The following N4BP2 variants were observed in gnomAD, a reference collection of about 807,000 sequenced individuals.
N4BP2 encodes the protein NEDD4 binding protein 2.
N4BP2 carries 91 observed loss-of-function variants against 152.8 expected under a neutral mutation model. That is an observed-to-expected ratio of 0.60 (90% confidence interval 0.50 to 0.71). N4BP2 has a LOEUF of 0.71. Ranked by LOEUF, N4BP2 falls within the 30% of genes least tolerant of loss-of-function variation. The pLI is 0.00. For synonymous variants in N4BP2, 646 were observed against 705.3 expected, an observed-to-expected ratio of 0.92 and a Z score of 1.33; for missense variants, 1,923 against 2,059.1, an observed-to-expected ratio of 0.93 and a Z score of 1.28.
At chr4:40,118,155 A>G in intron 8 of N4BP2, 131 bp downstream of exon 8, 1 of 709,384 alleles carries the variant, frequency 1.4e-6, no homozygotes, top group Non-Finnish European at 2.1e-6. Context: ...GTGGTGGCTC[A>G]CACCTGTAAT....
intron 1 of N4BP2, among the ~76,000 whole-genome samples, chr4:40,059,389 T>G (rs77636217): frequency 0.021 from 3,163 of 151,764 alleles, 136 homozygotes; most frequent in African/African-American, 0.072. Context: ...ATTTTTTATG[T>G]ATGTATGTAT....
chr4:40,141,759 CG>C (rs1333094180), intron 14 of N4BP2, among the ~76,000 whole-genome samples: 2 of 152,176 alleles, frequency 1.3e-5, no homozygotes, highest in Non-Finnish European at 2.9e-5. Flanking sequence ...GAGGTTGTAG[CG>C]AGCCGAGATC....
intron 16 of N4BP2, among the ~76,000 whole-genome samples, chr4:40,146,760 C>T (rs1397833072): frequency 6.6e-6 from 1 of 151,942 alleles, no homozygotes; most frequent in East Asian, 1.9e-4. Context: ...CACATTAGCT[C>T]AGCAGAATGT....
intron 16 of N4BP2, 75 bp from the exon 17 acceptor site, chr4:40,152,705 G>A (rs1721251012): frequency 1.3e-6 from 2 of 1,523,356 alleles, no homozygotes; most frequent in African/African-American, 2.8e-5. Flanking sequence ...ATGTGCTTGA[G>A]TAGCTAAGGT....
rs182916125 is a variant in N4BP2 at position 40,074,967 on chromosome 4, A to T, written c.-115+1416A>T. Reference sequence around the variant, plus strand: ...GGCTGCAGTGAGCTGAGCTCTTGCCACTGCACTCCAGCCTGGGCGACAGAG... The same window carrying T: ...GGCTGCAGTGAGCTGAGCTCTTGCCTCTGCACTCCAGCCTGGGCGACAGAG... On this transcript the variant is annotated intron_variant, in intron 2 of 17. Coordinates refer to ENST00000261435, the MANE Select transcript of N4BP2 (RefSeq NM_018177.6). 1.4e-3 allele frequency among the ~76,000 whole-genome samples: 216 copies of T among 152,188 alleles called. 1 individual carries two copies. Among genetic ancestry groups the T allele is most frequent in the African/African-American group, 4.8e-3 (200 of 41,536 alleles).
chr4:40,120,802 A>G lies in N4BP2; in HGVS notation c.2691A>G (p.Arg897=), dbSNP rs908940376. 3.7e-6 allele frequency: 6 copies of G among 1,614,082 alleles called. No homozygotes were observed. In the African/African-American group the frequency reaches 6.7e-5, roughly 18 times the overall value. The change falls in exon 9 of 18, where the codon AGA becomes AGG. Residue 897 remains arginine (R), a synonymous_variant. Transcript: ENST00000261435. ...ATTCTTTAGCTCAGAGGGAACACAG[A>G]TCAAGAATGCCAAAGACTGGTTTAA... ...SSDSLAQREH[R]SRMPKTGLSE...
At chr4:40,178,404 C>T in the N4BP2 span, among the ~76,000 whole-genome samples, 1 of 139,956 alleles carries the variant, frequency 7.1e-6, no homozygotes, top group African/African-American at 2.7e-5. Context: ...GGCAAGACTA[C>T]TCCCCCGCCC....
Position 40,103,002 on chromosome 4 carries a change from C to G in N4BP2, c.1157C>G (p.Thr386Arg). Residue 386 changes from threonine (T) to arginine (R), a missense_variant, in exon 4 of 18, where the codon ACA becomes AGA. By Grantham distance (71) the Thr-to-Arg change is moderately conservative (BLOSUM62 -1). Coordinates refer to ENST00000261435, the MANE Select transcript of N4BP2 (RefSeq NM_018177.6). ...NHGFVAPVVTTAAHWRSVNYT... is the reference protein window; with the variant it reads ...NHGFVAPVVTRAAHWRSVNYT... The stretch of plus-strand genomic sequence containing the variant: ...GGCTTTGTAGCTCCTGTTGTAACCA[C>G]AGCTGCACACTGGAGATCTGTCAAC... The G allele has an allele frequency of 6.2e-7, 1 of 1,614,190 alleles. No individual in the cohort carries two copies. Among genetic ancestry groups the G allele is most frequent in the Non-Finnish European group, 8.5e-7 (1 of 1,180,010 alleles).
intron 5 of N4BP2, among the ~76,000 whole-genome samples, chr4:40,111,329 G>T (rs1716858388): frequency 6.6e-6 from 1 of 151,900 alleles, no homozygotes; most frequent in African/African-American, 2.4e-5. Flanking sequence ...TTAATATGTG[G>T]GGTTTTTTTG....
chr4:40,065,410 G>A (rs907064752), intron 1 of N4BP2, among the ~76,000 whole-genome samples: 1 of 152,158 alleles, frequency 6.6e-6, no homozygotes, highest in African/African-American at 2.4e-5. Context: ...TGAAGCCATG[G>A]GTTTGAATGG....
intron 3 of N4BP2, among the ~76,000 whole-genome samples, 185 bp downstream of exon 3, chr4:40,097,754 A>G (rs904580101): frequency 2.6e-5 from 4 of 152,222 alleles, no homozygotes; most frequent in African/African-American, 4.8e-5. Flanking sequence ...AGAATAAAAC[A>G]TATTTTCTGC....
At chr4:40,159,794 A>G (rs1016387658), downstream of N4BP2, among the ~76,000 whole-genome samples, 2 of 152,194 alleles carry the variant, frequency 1.3e-5, no homozygotes, top group Admixed American at 6.5e-5. Flanking sequence ...TTTTATCATT[A>G]TATGCAAATA....
intron 2 of N4BP2, among the ~76,000 whole-genome samples, chr4:40,092,089 CT>C (rs1244028709): frequency 9.6e-6 from 1 of 104,438 alleles, no homozygotes; most frequent in African/African-American, 3.7e-5. Flanking sequence ...ATTTTTGTGT[CT>C]GTAGTCATGA....
downstream of N4BP2, among the ~76,000 whole-genome samples, chr4:40,159,523 C>G (rs1256050661): frequency 1.3e-5 from 2 of 152,130 alleles, no homozygotes; most frequent in African/African-American, 4.8e-5. Context: ...ACTGTCACAT[C>G]TGTATTCTGC....
At chr4:40,062,513 T>G (rs1733743096) in intron 1 of N4BP2, among the ~76,000 whole-genome samples, 1 of 151,968 alleles carries the variant, frequency 6.6e-6, no homozygotes, top group African/African-American at 2.4e-5. Context: ...CTCCTCTGCT[T>G]AAAACTTTTT....
the N4BP2 span, among the ~76,000 whole-genome samples, chr4:40,179,585 G>A: frequency 1.3e-5 from 2 of 151,994 alleles, no homozygotes; most frequent in Non-Finnish European, 2.9e-5. Context: ...TGAGGCACAT[G>A]GAAATTAAAT....
At chr4:40,170,366 C>G in the N4BP2 span, among the ~76,000 whole-genome samples, 1 of 151,980 alleles carries the variant, frequency 6.6e-6, no homozygotes, top group Non-Finnish European at 1.5e-5. Flanking sequence ...CGCCTGTGAT[C>G]CCAGCACTTT....
the N4BP2 span, among the ~76,000 whole-genome samples, chr4:40,179,898 G>C: frequency 6.6e-6 from 1 of 151,444 alleles, no homozygotes; most frequent in Non-Finnish European, 1.5e-5. Flanking sequence ...CCGAGTAGCT[G>C]GAATTACAGG....
chr4:40,115,050 C>T (rs144261324), intron 7 of N4BP2, among the ~76,000 whole-genome samples: 239 of 152,274 alleles, frequency 1.6e-3, no homozygotes, highest in African/African-American at 5.4e-3. Context: ...TGAACTCCAT[C>T]GTAAGTTTTC....
Sources: allele counts gnomAD v4.1 joint callset (sites outside exome capture counted in the v4.1 genomes callset), GRCh38; gene constraint gnomAD v4.1.1; transcripts MANE v1.5; gene names NCBI Gene and HGNC (gene_info 2026-07-23, HGNC 2026-07-21).